The following KIAA0319L variants were observed in gnomAD, a reference collection of about 807,000 sequenced individuals.
KIAA0319L encodes dyslexia-associated protein KIAA0319-like protein.
KIAA0319L carries 55 observed loss-of-function variants against 120.1 expected under a neutral mutation model. That is an observed-to-expected ratio of 0.46 (90% CI 0.37 to 0.57). KIAA0319L has a LOEUF of 0.57. Ranked by LOEUF, KIAA0319L falls within the 20% of genes least tolerant of loss-of-function variation. KIAA0319L has a pLI of 0.00. For missense variants in KIAA0319L, 1,049 were observed against 1,255.3 expected (o/e 0.84, Z 2.48); for synonymous variants, 398 against 471.9 (o/e 0.84, Z 2.03).
intron 3 of KIAA0319L, among the ~76,000 whole-genome samples, chr1:35,485,608 A>C (rs1037363982): frequency 6.6e-6 from 1 of 152,050 alleles, no homozygotes; most frequent in Non-Finnish European, 1.5e-5. Flanking sequence ...TATTTTCAAG[A>C]TCTTCCCATT....
chr1:35,455,770 G>A (rs940717975), intron 10 of KIAA0319L, among the ~76,000 whole-genome samples: 2 of 151,634 alleles, frequency 1.3e-5, no homozygotes, highest in Middle Eastern at 3.4e-3. Flanking sequence ...TAGTAGAGAC[G>A]GGGTTTCACA....
intron 3 of KIAA0319L, among the ~76,000 whole-genome samples, chr1:35,497,815 T>C (rs562931205): frequency 6.6e-4 from 100 of 152,314 alleles, no homozygotes; most frequent in African/African-American, 2.1e-3. Flanking sequence ...AAAATAAGTA[T>C]CATCTCACCA....
chr1:35,458,056 C>T lies in KIAA0319L; in HGVS notation c.1428-1815G>A, dbSNP rs542705965. On this transcript the variant is annotated intron_variant, in intron 9 of 20. Coordinates refer to ENST00000325722, the MANE Select transcript of KIAA0319L (RefSeq NM_024874.5). The stretch of plus-strand genomic sequence containing the variant: ...GTTCACGCCATTCTCCTGCCTCAGC[C>T]TCCTGAGTAGCTGGGACTACAGCTA... Among the ~76,000 whole-genome samples the T allele has an allele frequency of 7.2e-4, 110 of 152,278 alleles. 1 individual carries two copies. In the South Asian group the frequency reaches 0.022, roughly 30 times the overall value.
chr1:35,481,561 T>G (rs1644163978), intron 3 of KIAA0319L, among the ~76,000 whole-genome samples: 1 of 152,228 alleles, frequency 6.6e-6, no homozygotes, highest in Non-Finnish European at 1.5e-5. Context: ...TTGACCATTT[T>G]TTCTTTGAAG....
At chr1:35,467,672 C>A (rs1570707640) in intron 6 of KIAA0319L, among the ~76,000 whole-genome samples, 1 of 151,988 alleles carries the variant, frequency 6.6e-6, no homozygotes, top group Non-Finnish European at 1.5e-5. Context: ...ACCTTCCCTA[C>A]TATAATACAA....
In KIAA0319L at chr1:35,518,977, C is replaced by CAA. The variant is rs766877681; in HGVS notation, c.143-11844_143-11843dup. Among the ~76,000 whole-genome samples the CAA allele has an allele frequency of 9.2e-3, 550 of 59,664 alleles. 3 individuals are homozygous for CAA. The highest frequency in any genetic ancestry group is 0.013 in the Non-Finnish European group (374 of 27,810). 39.1% of individuals were successfully genotyped at this position (59,664 alleles called of 152,430 possible). On this transcript the variant is annotated intron_variant, in intron 2 of 20. Transcript: ENST00000325722. ...CAAGATCAAGAGCAAGACTCTGTCTCAAAAAAAAAAAAAAAAAAAAGGCTT... is the reference window on the plus strand; with the variant it reads ...CAAGATCAAGAGCAAGACTCTGTCTCAAAAAAAAAAAAAAAAAAAAAAGGCTT...
At chr1:35,519,302 A>G (rs1645814606) in intron 2 of KIAA0319L, among the ~76,000 whole-genome samples, 1 of 152,178 alleles carries the variant, frequency 6.6e-6, no homozygotes, top group Non-Finnish European at 1.5e-5. Flanking sequence ...ATTGTAAGCT[A>G]TATTTGTTTA....
chr1:35,555,024 T>G (rs941521727), intron 1 of KIAA0319L: 1 of 152,364 alleles, frequency 6.6e-6, no homozygotes, highest in Non-Finnish European at 1.5e-5. Context: ...AGTCTGCTAC[T>G]GTCTCCGCCC....
intron 2 of KIAA0319L, among the ~76,000 whole-genome samples, chr1:35,518,579 G>A (rs1645777079): frequency 6.6e-6 from 1 of 152,050 alleles, no homozygotes; most frequent in South Asian, 2.1e-4. Context: ...GGAGGAAGAG[G>A]AGCAGAAAAA....
rs1433241912 is a variant in KIAA0319L at position 35,437,744 on chromosome 1, C to T, written c.2963-2663G>A. On this transcript the variant is annotated intron_variant, in intron 20 of 20. Coordinates refer to ENST00000325722, the MANE Select transcript of KIAA0319L (RefSeq NM_024874.5). This position sits in a 1 kb window ranked among gnomAD's most constrained non-coding sequence, Gnocchi z 4.1. ...CTCAACCCTAGGCCTCTTCTTTTGT[C>T]CTTCAACATTCCCCCATAAGGGATG... Among the ~76,000 whole-genome samples, 3 of 152,182 alleles carry T rather than the reference C, an allele frequency of 2.0e-5. No homozygotes were observed. Among genetic ancestry groups the T allele is most frequent in the Non-Finnish European group, 4.4e-5 (3 of 68,024 alleles).
intron 3 of KIAA0319L, among the ~76,000 whole-genome samples, chr1:35,494,532 C>G (rs896750358): frequency 6.6e-6 from 1 of 151,930 alleles, no homozygotes; most frequent in Non-Finnish European, 1.5e-5. Context: ...TGGTGGCTCA[C>G]GCCTATAATC....
intron 1 of KIAA0319L, among the ~76,000 whole-genome samples, chr1:35,555,678 C>G (rs139885789): frequency 6.6e-6 from 1 of 152,308 alleles, no homozygotes; most frequent in African/African-American, 2.4e-5. Flanking sequence ...AGCAATTTCT[C>G]TAGCCTCCCA....
At position 35,453,586 on chromosome 1, in the gene KIAA0319L, T is replaced by C. The variant is rs745457141; in HGVS notation, c.1884A>G (p.Lys628=). The C allele has an allele frequency of 1.2e-5, 20 of 1,614,082 alleles. No homozygotes were observed. The East Asian group carries it at 1.8e-4, about 14-fold the overall frequency. ...LDGSKSSDDQ[K]IISYLWEKTQ... Reference sequence around the variant, plus strand: ...TTTTTTCCCAGAGATATGAGATAATTTTCTGATCATCTGAGCTCTTGCTGC... The same window carrying C: ...TTTTTTCCCAGAGATATGAGATAATCTTCTGATCATCTGAGCTCTTGCTGC... Residue 628 remains lysine (K), a synonymous_variant, in exon 12 of 21, where the codon AAA becomes AAG. Transcript: ENST00000325722. This position sits in a 1 kb window ranked among gnomAD's most constrained non-coding sequence, Gnocchi z 4.1.
intron 9 of KIAA0319L, among the ~76,000 whole-genome samples, chr1:35,457,495 CAAA>C (rs77520648): frequency 6.6e-5 from 4 of 61,038 alleles, no homozygotes; most frequent in Non-Finnish European, 1.0e-4. Flanking sequence ...ACAGGATTTG[CAAA>C]AAAAAAAAAA....
chr1:35,500,056 T>G (rs1644949118), intron 3 of KIAA0319L, among the ~76,000 whole-genome samples: 1 of 152,202 alleles, frequency 6.6e-6, no homozygotes, highest in Non-Finnish European at 1.5e-5. Context: ...AGCCACTGGC[T>G]TGCTAAGGGT....
intron 3 of KIAA0319L, among the ~76,000 whole-genome samples, chr1:35,481,280 T>G (rs1644152142): frequency 6.6e-6 from 1 of 152,208 alleles, no homozygotes; most frequent in Non-Finnish European, 1.5e-5. Flanking sequence ...AAACACGTGT[T>G]CTAATTTATC....
intron 2 of KIAA0319L, among the ~76,000 whole-genome samples, chr1:35,527,955 G>A (rs1435408308): frequency 1.3e-5 from 2 of 151,408 alleles, no homozygotes; most frequent in Non-Finnish European, 2.9e-5. Flanking sequence ...GTTCCTTAAG[G>A]TCCATCATTA....
intron 3 of KIAA0319L, among the ~76,000 whole-genome samples, chr1:35,484,858 G>C (rs1426348836): frequency 7.2e-6 from 1 of 139,858 alleles, no homozygotes; most frequent in Non-Finnish European, 1.5e-5. Flanking sequence ...ACATTGTGCA[G>C]GTTAGTTACA....
chr1:35,446,371 G>A (rs1429874642), intron 16 of KIAA0319L, among the ~76,000 whole-genome samples: 3 of 151,918 alleles, frequency 2.0e-5, no homozygotes, highest in Non-Finnish European at 2.9e-5. Flanking sequence ...GTTCCACAAG[G>A]ACCACAATGA....
Sources: allele counts gnomAD v4.1 joint callset (sites outside exome capture counted in the v4.1 genomes callset), GRCh38; gene constraint gnomAD v4.1.1; non-coding constraint Gnocchi (gnomAD v3.1); transcripts MANE v1.5; gene names NCBI Gene and HGNC (gene_info 2026-07-23, HGNC 2026-07-21).